JAKMIP2: variants seen among roughly 807,000 people sequenced by gnomAD.
JAKMIP2 encodes janus kinase and microtubule interacting protein 2.
JAKMIP2 carries 25 observed loss-of-function variants against 115.0 expected under a neutral mutation model. The observed-to-expected ratio is 0.22, with a 90% confidence interval of 0.16 to 0.30. JAKMIP2 has a LOEUF of 0.30. Among genes scored for constraint, JAKMIP2 ranks in the 10% least tolerant of loss-of-function variants. The probability of loss-of-function intolerance (pLI) is 1.00; values close to 1 mark genes in which losing one functional copy is unlikely to be tolerated. For synonymous variants in JAKMIP2, 334 were observed against 343.6 expected, an observed-to-expected ratio of 0.97 and a Z score of 0.31; for missense variants, 642 against 957.6, an observed-to-expected ratio of 0.67 and a Z score of 4.35.
At chr5:147,742,722 G>A (rs1017928285) in intron 1 of JAKMIP2, among the ~76,000 whole-genome samples, 2 of 152,132 alleles carry the variant, frequency 1.3e-5, no homozygotes, top group South Asian at 2.1e-4. Context: ...ATAATCCTAC[G>A]TTTGTTATGT....
chr5:147,700,015 C>T (rs1299914161), intron 1 of JAKMIP2, among the ~76,000 whole-genome samples: 1 of 152,172 alleles, frequency 6.6e-6, no homozygotes, highest in African/African-American at 2.4e-5. Flanking sequence ...GGCTGAAAGG[C>T]CAGTGCTCCC....
At chr5:147,598,181 A>T (rs565746406) in intron 21 of JAKMIP2, among the ~76,000 whole-genome samples, 2 of 151,938 alleles carry the variant, frequency 1.3e-5, no homozygotes, top group African/African-American at 4.8e-5. Context: ...TTGTATTTTT[A>T]TTAGAGACGC....
chr5:147,778,682 A>G (rs1158085894), intron 1 of JAKMIP2, among the ~76,000 whole-genome samples: 1 of 152,112 alleles, frequency 6.6e-6, no homozygotes, highest in African/African-American at 2.4e-5. Context: ...AATTGATAGA[A>G]TATAAAATGA....
At chr5:147,724,972 T>C (rs757479620) in intron 1 of JAKMIP2, among the ~76,000 whole-genome samples, 40 of 151,484 alleles carry the variant, frequency 2.6e-4, no homozygotes, top group Non-Finnish European at 4.6e-4. Flanking sequence ...ACAGATGAAA[T>C]AGGAGGTCAG....
chr5:147,679,435 A>G (rs1760144644), intron 1 of JAKMIP2, among the ~76,000 whole-genome samples: 1 of 152,202 alleles, frequency 6.6e-6, no homozygotes, highest in African/African-American at 2.4e-5. Flanking sequence ...TCCTACCTTT[A>G]GGTGGCTTCC....
chr5:147,727,409 TCA>T (rs1349201582), intron 1 of JAKMIP2, among the ~76,000 whole-genome samples: 1 of 152,340 alleles, frequency 6.6e-6, no homozygotes, highest in East Asian at 1.9e-4. Context: ...TTTAATTGAC[TCA>T]CAGTTTGGCA....
intron 1 of JAKMIP2, among the ~76,000 whole-genome samples, chr5:147,762,422 C>T (rs561115756): frequency 3.7e-4 from 57 of 152,196 alleles, no homozygotes; most frequent in African/African-American, 1.1e-3. Flanking sequence ...GTGGCTTAAG[C>T]GACATAAATT....
rs1364029991 is a variant in JAKMIP2, at chr5:147,632,743, T to C, written c.1713A>G (p.Gln571=). ...GGTCTCTGGCGTCCTGTAGTTCTTG[T>C]TGTAACCGGTGATTTTCTGCCTCCT... ...EKQEAENHRL[Q]QELQDARDQN... The change falls in exon 13 of 22, where the codon CAA becomes CAG. Residue 571 remains glutamine, a synonymous_variant. Coordinates refer to ENST00000616793, the MANE Select transcript of JAKMIP2 (RefSeq NM_001270941.2). 1.2e-6 allele frequency: 2 copies of C among 1,613,496 alleles called. No individual in the cohort carries two copies. The highest frequency in any genetic ancestry group is 1.7e-6 in the Non-Finnish European group (2 of 1,179,580).
chr5:147,769,013 T>C (rs969855227), intron 1 of JAKMIP2, among the ~76,000 whole-genome samples: 2 of 152,136 alleles, frequency 1.3e-5, no homozygotes, highest in African/African-American at 4.8e-5. Context: ...CTGGTTGAAT[T>C]TGGGCATGTT....
At chr5:147,638,734 A>G (rs1326498622) in intron 10 of JAKMIP2, among the ~76,000 whole-genome samples, 1 of 151,836 alleles carries the variant, frequency 6.6e-6, no homozygotes, top group African/African-American at 2.4e-5. Context: ...ATGTAAATTT[A>G]CCTAGGAGGC....
chr5:147,671,582 C>G (rs999677752), intron 2 of JAKMIP2, 96 bp downstream of exon 2: 6 of 1,096,090 alleles, frequency 5.5e-6, no homozygotes, highest in Non-Finnish European at 7.2e-6. Context: ...GGGCAGGAGT[C>G]CACTGGGGTA....
chr5:147,694,317 G>A (rs1210624655), intron 1 of JAKMIP2, among the ~76,000 whole-genome samples: 1 of 152,118 alleles, frequency 6.6e-6, no homozygotes, highest in Non-Finnish European at 1.5e-5. Flanking sequence ...CTTTTTGGGT[G>A]TCTCTCATCT....
At chr5:147,618,719 A>G (rs1756707641) in intron 18 of JAKMIP2, among the ~76,000 whole-genome samples, 1 of 152,206 alleles carries the variant, frequency 6.6e-6, no homozygotes, top group Admixed American at 6.5e-5. Context: ...TCTGTGCAAC[A>G]AGAGTGAAAC....
intron 1 of JAKMIP2, among the ~76,000 whole-genome samples, chr5:147,698,701 G>T (rs1752204791): frequency 6.6e-6 from 1 of 152,160 alleles, no homozygotes; most frequent in South Asian, 2.1e-4. Flanking sequence ...GGACGTGTTT[G>T]CTTCCCCTTC....
intron 16 of JAKMIP2, among the ~76,000 whole-genome samples, chr5:147,627,844 T>C (rs1223595044): frequency 6.6e-6 from 1 of 152,168 alleles, no homozygotes; most frequent in African/African-American, 2.4e-5. Context: ...TTTTATTTCA[T>C]AGCTATAGTT....
At chr5:147,609,379 A>T (rs1346463988) in intron 20 of JAKMIP2, among the ~76,000 whole-genome samples, 1 of 152,176 alleles carries the variant, frequency 6.6e-6, no homozygotes, top group Non-Finnish European at 1.5e-5. Flanking sequence ...GATGGTGACA[A>T]AATCCCTTAG....
chr5:147,673,670 C>T (rs1234827748), intron 1 of JAKMIP2, among the ~76,000 whole-genome samples: 3 of 152,102 alleles, frequency 2.0e-5, no homozygotes, highest in Admixed American at 6.6e-5. Context: ...TGCAGGGCTG[C>T]GAGGTCTCTG....
At chr5:147,699,200 G>A (rs1406349751) in intron 1 of JAKMIP2, among the ~76,000 whole-genome samples, 1 of 152,190 alleles carries the variant, frequency 6.6e-6, no homozygotes, top group Non-Finnish European at 1.5e-5. Context: ...GAAAATAACG[G>A]CAGTTAAAGT....
chr5:147,749,663 C>G (rs1258121977), intron 1 of JAKMIP2, among the ~76,000 whole-genome samples: 6 of 152,124 alleles, frequency 3.9e-5, no homozygotes, highest in Non-Finnish European at 7.3e-5. Context: ...GTAGTGGATG[C>G]CTAATAAATG....
Sources: allele counts gnomAD v4.1 joint callset (sites outside exome capture counted in the v4.1 genomes callset), GRCh38; gene constraint gnomAD v4.1.1; transcripts MANE v1.5; gene names NCBI Gene and HGNC (gene_info 2026-07-23, HGNC 2026-07-21).